DNAJB6: variants seen among roughly 807,000 people sequenced by gnomAD.
DNAJB6 encodes the protein DnaJ heat shock protein family (Hsp40) member B6.
DNAJB6 carries 16 observed loss-of-function variants against 42.7 expected under a neutral mutation model. That is an observed-to-expected ratio of 0.37 (90% CI 0.25 to 0.57). The LOEUF (loss-of-function observed/expected upper bound fraction) is 0.57. Ranked by LOEUF, DNAJB6 falls within the 20% of genes least tolerant of loss-of-function variation. DNAJB6 has a pLI of 0.74. For missense variants in DNAJB6, 347 were observed against 416.8 expected (o/e 0.83, Z 1.46); for synonymous variants, 170 against 163.5 (o/e 1.04, Z -0.30).
At position 157,357,284 on chromosome 7, in the gene DNAJB6, T is replaced by G. The variant is rs1232239949; in HGVS notation, c.-26-1263T>G. Among the ~76,000 whole-genome samples the G allele has an allele frequency of 5.2e-5, 3 of 57,814 alleles. 1 individual carries two copies. The highest frequency in any genetic ancestry group is 3.4e-5 in the Non-Finnish European group (1 of 29,446). The allele number at this position is 57,814 out of a possible 152,430, so 37.9% of individuals were successfully genotyped here. On this transcript the variant is annotated intron_variant, in intron 1 of 9. Transcript: ENST00000262177. ...CTTCCGTCCTTCCTTCCGTCCTTCC[T>G]TCCGTCCTTCCTTCCTTCCTTCCTT...
At chr7:157,406,555 C>A (rs528467577) in intron 8 of DNAJB6, among the ~76,000 whole-genome samples, 5 of 152,274 alleles carry the variant, frequency 3.3e-5, no homozygotes, top group African/African-American at 1.2e-4. Flanking sequence ...GGGACCTGGC[C>A]GGGGGCGGAG....
chr7:157,413,149 G>C (rs1055686179), intron 9 of DNAJB6: 3 of 151,938 alleles, frequency 2.0e-5, no homozygotes, highest in African/African-American at 7.3e-5. Flanking sequence ...TCAGAGGACA[G>C]AGGCACCACC....
At chr7:157,339,604 TG>T (rs1798242714) in intron 1 of DNAJB6, among the ~76,000 whole-genome samples, 9 of 25,608 alleles carry the variant, frequency 3.5e-4, no homozygotes, top group African/African-American at 1.1e-3. Flanking sequence ...CGGCCTTTTG[TG>T]TGTGTGTGTG....
chr7:157,386,711 C>T (rs1189892717), intron 8 of DNAJB6, among the ~76,000 whole-genome samples: 1 of 152,028 alleles, frequency 6.6e-6, no homozygotes, highest in Non-Finnish European at 1.5e-5. Flanking sequence ...GGTGAAACCC[C>T]TGTCTCTACT....
intron 9 of DNAJB6, chr7:157,410,225 G>A (rs986516850): frequency 1.8e-6 from 2 of 1,124,234 alleles, no homozygotes; most frequent in Non-Finnish European, 2.4e-6. Context: ...CGGGGTCCGC[G>A]TGTCCTGTAC....
At chr7:157,366,958 C>T (rs1475659796) in intron 4 of DNAJB6, among the ~76,000 whole-genome samples, 2 of 152,210 alleles carry the variant, frequency 1.3e-5, no homozygotes, top group African/African-American at 4.8e-5. Flanking sequence ...TGTGACCAGC[C>T]TCCCCAGGGG....
chr7:157,340,681 G>A (rs981544525), intron 1 of DNAJB6, among the ~76,000 whole-genome samples: 1 of 152,122 alleles, frequency 6.6e-6, no homozygotes, highest in Non-Finnish European at 1.5e-5. Context: ...TTAGTTGACT[G>A]ACTGATTTAC....
Position 157,371,284 on chromosome 7 carries a change from C to T in DNAJB6, c.346+3801C>T, listed in dbSNP as rs145308405. On this transcript the variant is annotated intron_variant, in intron 5 of 9. Coordinates refer to ENST00000262177, the MANE Select transcript of DNAJB6 (RefSeq NM_058246.4). ...TAGACCTGGTGTACTTTCCACGTGA[C>T]GAAAAAGTAGTTTAAAATGTGCTGT... 1.4e-3 allele frequency among the ~76,000 whole-genome samples: 214 copies of T among 152,272 alleles called. 1 individual carries two copies. The Middle Eastern group carries it at 0.054, about 39-fold the overall frequency.
rs1048472600 is a variant in DNAJB6, at chr7:157,417,069, C to G, written c.*971C>G. 6.6e-6 allele frequency: 1 copy of G among 152,270 alleles called. No homozygotes were observed. Among genetic ancestry groups the G allele is most frequent in the Non-Finnish European group, 1.5e-5 (1 of 68,052 alleles). The allele number at this position is 152,270 out of a possible 1,614,324, so 9.4% of individuals were successfully genotyped here. A position where few individuals can be genotyped will look rare whatever the true frequency, so the allele number is the denominator to read the frequency against. On this transcript the variant is annotated 3_prime_UTR_variant, in exon 10 of 10. Coordinates refer to ENST00000262177, the MANE Select transcript of DNAJB6 (RefSeq NM_058246.4). The stretch of plus-strand genomic sequence containing the variant: ...TGACTTCTTCCCTGCATGCTCCCTC[C>G]CAGTGACTTTCCTTCCCTTTCACAT...
At position 157,366,553 on chromosome 7, in the gene DNAJB6, G is replaced by T. The variant is rs1799854571; in HGVS notation, c.227G>T (p.Gly76Val). The change falls in exon 4 of 10, where the codon GGA becomes GTA. Residue 76 changes from glycine to valine, a missense_variant. Gly to Val is a moderately radical substitution (Grantham distance 109). Coordinates refer to ENST00000262177, the MANE Select transcript of DNAJB6 (RefSeq NM_058246.4). ...TATGGCAAAGAAGGATTAAATGGTG[G>T]AGGAGGAGGTAAGTACGTGAGTTTT... ...DKYGKEGLNG[G>V]GGGGSHFDSP... 6.2e-7 allele frequency: 1 copy of T among 1,613,550 alleles called. No homozygotes were observed. The highest frequency in any genetic ancestry group is 1.3e-5 in the African/African-American group (1 of 74,916).
chr7:157,412,808 C>T (rs1261408949), intron 9 of DNAJB6: 1 of 152,268 alleles, frequency 6.6e-6, no homozygotes, highest in Admixed American at 6.5e-5. Context: ...AGCGAGCTTC[C>T]ACTCACAGGG....
intron 8 of DNAJB6, among the ~76,000 whole-genome samples, chr7:157,388,120 A>G (rs935096056): frequency 2.0e-5 from 3 of 152,328 alleles, no homozygotes; most frequent in Admixed American, 1.3e-4. Context: ...TGCTGGGATT[A>G]CAGGCGTGAG....
intron 8 of DNAJB6, among the ~76,000 whole-genome samples, chr7:157,408,573 C>A (rs1044317711): frequency 1.5e-4 from 23 of 152,216 alleles, no homozygotes; most frequent in African/African-American, 5.5e-4. Context: ...CTCCAAAGAC[C>A]AGAGCCTGGC....
intron 9 of DNAJB6, 103 bp downstream of exon 9, chr7:157,410,104 C>A (rs1023188693): frequency 1.4e-6 from 2 of 1,437,662 alleles, no homozygotes; most frequent in Non-Finnish European, 9.1e-7. Context: ...TGTGTTCTGA[C>A]CTGAGCGGGC....
chr7:157,384,208 T>C (rs56321076), intron 6 of DNAJB6, among the ~76,000 whole-genome samples: 67 of 152,388 alleles, frequency 4.4e-4, no homozygotes, highest in Middle Eastern at 3.4e-3. Flanking sequence ...ATATCCATAA[T>C]GTATAATTGA....
At chr7:157,399,516 C>T (rs776607323) in intron 8 of DNAJB6, among the ~76,000 whole-genome samples, 4 of 152,198 alleles carry the variant, frequency 2.6e-5, no homozygotes, top group African/African-American at 2.4e-5. Flanking sequence ...GCTGGGATGG[C>T]GGCACAGGTT....
At chr7:157,362,039 T>TATA (rs1442169253) in intron 2 of DNAJB6, among the ~76,000 whole-genome samples, 1 of 152,204 alleles carries the variant, frequency 6.6e-6, no homozygotes, top group Admixed American at 6.5e-5. Flanking sequence ...GTGCTGGGAT[T>TATA]ACAGGTGTGA....
At chr7:157,387,049 T>G (rs1205507188) in intron 8 of DNAJB6, among the ~76,000 whole-genome samples, 1 of 152,234 alleles carries the variant, frequency 6.6e-6, no homozygotes, top group Non-Finnish European at 1.5e-5. Context: ...TGAAAACCGC[T>G]AGAAGGACAG....
chr7:157,406,167 C>G (rs984648690), intron 8 of DNAJB6, among the ~76,000 whole-genome samples: 2 of 152,246 alleles, frequency 1.3e-5, no homozygotes, highest in African/African-American at 4.8e-5. Context: ...TGTGTCCCAG[C>G]CGTGAGGCGG....
Sources: allele counts gnomAD v4.1 joint callset (sites outside exome capture counted in the v4.1 genomes callset), GRCh38; gene constraint gnomAD v4.1.1; transcripts MANE v1.5; gene names NCBI Gene and HGNC (gene_info 2026-07-23, HGNC 2026-07-21).